PRKCB: variants seen among roughly 807,000 people sequenced by gnomAD.
PRKCB encodes the protein protein kinase C beta, also known as protein kinase C beta type.
Under a neutral mutation model 81.5 loss-of-function variants are expected in PRKCB, and 13 were observed. The ratio of observed to expected loss-of-function variants is 0.16; its 90% confidence interval spans 0.10 to 0.25. PRKCB has a LOEUF of 0.25. Ranked by LOEUF, PRKCB falls within the 10% of genes least tolerant of loss-of-function variation. The pLI, the probability that PRKCB is intolerant of heterozygous loss-of-function variation, is 1.00. For synonymous variants in PRKCB, 335 were observed against 321.4 expected, an observed-to-expected ratio of 1.04 and a Z score of -0.45; for missense variants, 509 against 875.7, an observed-to-expected ratio of 0.58 and a Z score of 5.29.
At chr16:23,998,773 G>T (rs920982242) in intron 3 of PRKCB, among the ~76,000 whole-genome samples, 4 of 152,200 alleles carry the variant, frequency 2.6e-5, no homozygotes, top group African/African-American at 9.7e-5. Context: ...AGCCAGCAAG[G>T]ACAGGTGTCT....
Position 23,992,642 on chromosome 16 carries a change from A to G in PRKCB, c.288+4052A>G, listed in dbSNP as rs544960738. The stretch of plus-strand genomic sequence containing the variant: ...CAAAGAGTTTCATAAATGATCTAAG[A>G]GCTTCTAGGTGTGCCCTGAAGGAGA... On this transcript the variant is annotated intron_variant, in intron 3 of 16. Coordinates refer to ENST00000643927, the MANE Select transcript of PRKCB (RefSeq NM_002738.7). Among the ~76,000 whole-genome samples the G allele has an allele frequency of 3.3e-5, 5 of 152,280 alleles. No homozygotes were observed. The East Asian group carries it at 9.7e-4, about 29-fold the overall frequency.
chr16:23,956,264 C>A (rs865945486), intron 2 of PRKCB, among the ~76,000 whole-genome samples: 1 of 151,974 alleles, frequency 6.6e-6, no homozygotes, highest in Non-Finnish European at 1.5e-5. Context: ...ACTACAGGCA[C>A]GCGCCACCAC....
chr16:24,141,015 C>T (rs1409466538), intron 9 of PRKCB, among the ~76,000 whole-genome samples: 2 of 152,128 alleles, frequency 1.3e-5, no homozygotes, highest in Non-Finnish European at 2.9e-5. Flanking sequence ...CTTCCACTGT[C>T]ATCATTTAGT....
At chr16:24,059,319 A>G (rs1327564383) in intron 5 of PRKCB, among the ~76,000 whole-genome samples, 1 of 152,178 alleles carries the variant, frequency 6.6e-6, no homozygotes, top group Non-Finnish European at 1.5e-5. Flanking sequence ...GAGCCACTTC[A>G]GTCATCAGTG....
At chr16:24,036,369 C>A (rs1382981593) in intron 5 of PRKCB, among the ~76,000 whole-genome samples, 1 of 152,160 alleles carries the variant, frequency 6.6e-6, no homozygotes, top group Non-Finnish European at 1.5e-5. Context: ...CAGCACTGAG[C>A]TGGCTGGGAG....
At chr16:23,849,319 T>C (rs755192650) in intron 2 of PRKCB, among the ~76,000 whole-genome samples, 4 of 152,130 alleles carry the variant, frequency 2.6e-5, no homozygotes, top group Admixed American at 6.5e-5. Flanking sequence ...TGACAGATAG[T>C]GTAGGTGAAG....
At position 23,882,531 on chromosome 16, in the gene PRKCB, C is replaced by T. The variant is rs550817958; in HGVS notation, c.205+45125C>T. On this transcript the variant is annotated intron_variant, in intron 2 of 16. Coordinates refer to ENST00000643927, the MANE Select transcript of PRKCB (RefSeq NM_002738.7). ...CAAAGTGAAGGCGTGAGCCATTGCT[C>T]CTGGGATGACTGGTTTATTTCACTT... 2.2e-3 allele frequency among the ~76,000 whole-genome samples: 328 copies of T among 152,244 alleles called. 6 individuals carry two copies. The highest frequency in any genetic ancestry group is 4.9e-4 in the Non-Finnish European group (33 of 68,024).
At position 24,066,111 on chromosome 16, in the gene PRKCB, GTT is replaced by G. The variant is rs1966031178; in HGVS notation, c.530-26678_530-26677del. 4.0e-5 allele frequency among the ~76,000 whole-genome samples: 6 copies of G among 149,078 alleles called. No homozygotes were observed. The South Asian group carries it at 8.4e-4, about 21-fold the overall frequency. ...TGTGTGTGTGTGTGTGTGTGTGTGTGTTTGTATGTGTTTATCTTGGTTGGTGT... is the reference window on the plus strand; with the variant it reads ...TGTGTGTGTGTGTGTGTGTGTGTGTGTGTATGTGTTTATCTTGGTTGGTGT... On this transcript the variant is annotated intron_variant, in intron 5 of 16. Transcript: ENST00000643927.
At chr16:23,987,252 T>A (rs1964814272) in intron 2 of PRKCB, among the ~76,000 whole-genome samples, 1 of 152,156 alleles carries the variant, frequency 6.6e-6, no homozygotes. Context: ...ATTAAAAAAA[T>A]TTAGTTGATA....
chr16:24,108,349 ATTT>A (rs1966607675), intron 7 of PRKCB, among the ~76,000 whole-genome samples: 2 of 128,082 alleles, frequency 1.6e-5, no homozygotes, highest in African/African-American at 7.1e-5. Context: ...TTTTAAATTT[ATTT>A]ATTTATTTAT....
intron 5 of PRKCB, among the ~76,000 whole-genome samples, chr16:24,090,657 G>A (rs1002525390): frequency 2.0e-5 from 3 of 152,190 alleles, no homozygotes; most frequent in Non-Finnish European, 4.4e-5. Flanking sequence ...GGACTGATTG[G>A]TGGAGAATGG....
Position 24,218,059 on chromosome 16 carries a change from T to G in PRKCB, c.*3243T>G. On this transcript the variant is annotated 3_prime_UTR_variant, in exon 17 of 17. Transcript: ENST00000643927. Reference sequence around the variant, plus strand: ...AAATAATTACAAACAACCTACTGTGTGCCAGGCACTATTCTTAGCACTGGA... The same window carrying G: ...AAATAATTACAAACAACCTACTGTGGGCCAGGCACTATTCTTAGCACTGGA... The G allele has an allele frequency of 4.1e-6, 4 of 985,250 alleles. No homozygotes were observed. The highest frequency in any genetic ancestry group is 4.8e-6 in the Non-Finnish European group (4 of 829,802). The allele number at this position is 985,250 out of a possible 1,614,324, so 61.0% of individuals were successfully genotyped here.
In PRKCB at chr16:23,884,023, T is replaced by C. The variant is rs994244553; in HGVS notation, c.205+46617T>C. On this transcript the variant is annotated intron_variant, in intron 2 of 16. Coordinates refer to ENST00000643927, the MANE Select transcript of PRKCB (RefSeq NM_002738.7). ...TAAAATTATTAATGAGATATTTTAC[T>C]TCCCCGCATAGCAAGTCTTCAACAT... Among the ~76,000 whole-genome samples, 16 of 152,342 alleles carry C rather than the reference T, an allele frequency of 1.1e-4. No homozygotes were observed. The South Asian group carries it at 1.9e-3, about 18-fold the overall frequency.
At chr16:24,180,662 G>C (rs1967604513) in intron 12 of PRKCB, 128 bp from the exon 13 acceptor site, 2 of 1,109,150 alleles carry the variant, frequency 1.8e-6, no homozygotes, top group Admixed American at 4.5e-5. Context: ...GAGGTCAAAG[G>C]CTGGTTTCTA....
intron 9 of PRKCB, among the ~76,000 whole-genome samples, chr16:24,140,634 T>C (rs911631775): frequency 3.3e-5 from 5 of 152,068 alleles, no homozygotes; most frequent in Admixed American, 2.6e-4. Flanking sequence ...GACTGGCTTA[T>C]GGGTTCACGT....
chr16:23,873,920 C>T (rs1457327301), intron 2 of PRKCB, among the ~76,000 whole-genome samples: 1 of 152,108 alleles, frequency 6.6e-6, no homozygotes, highest in Admixed American at 6.6e-5. Context: ...GCACATTTAC[C>T]TCTAATGATA....
At chr16:23,863,812 A>G (rs1962726000) in intron 2 of PRKCB, among the ~76,000 whole-genome samples, 1 of 152,216 alleles carries the variant, frequency 6.6e-6, no homozygotes, top group South Asian at 2.1e-4. Context: ...ACTATCCATC[A>G]GCACCAAGAA....
intron 2 of PRKCB, among the ~76,000 whole-genome samples, chr16:23,894,973 A>G (rs760326397): frequency 1.3e-5 from 2 of 152,222 alleles, no homozygotes; most frequent in Non-Finnish European, 2.9e-5. Flanking sequence ...TAGGAAGAGC[A>G]TAAATGGCAA....
At chr16:24,073,118 A>T (rs950593032) in intron 5 of PRKCB, among the ~76,000 whole-genome samples, 2 of 152,174 alleles carry the variant, frequency 1.3e-5, no homozygotes, top group Admixed American at 6.5e-5. Context: ...TCTGATAATG[A>T]AAAGGTGAAT....
Sources: gnomAD v4.1 joint callset for allele counts (sites outside exome capture counted in the v4.1 genomes callset) on GRCh38, gnomAD v4.1.1 for gene constraint, MANE v1.5 for transcripts, NCBI Gene and HGNC (gene_info 2026-07-23, HGNC 2026-07-21) for gene names.